CATSPERB: variants seen among roughly 807,000 people sequenced by gnomAD.
CATSPERB encodes catsper channel auxiliary subunit beta.
CATSPERB carries 93 observed loss-of-function variants against 128.3 expected under a neutral mutation model. That is an observed-to-expected ratio of 0.72 (90% confidence interval 0.61 to 0.86). The LOEUF (loss-of-function observed/expected upper bound fraction) is 0.86, where lower values mean the gene tolerates loss of function less well. Among genes scored for constraint, CATSPERB ranks in the 40% least tolerant of loss-of-function variants. The probability of loss-of-function intolerance (pLI) is 0.00; values close to 1 mark genes in which losing one functional copy is unlikely to be tolerated. For synonymous variants in CATSPERB, 381 were observed against 448.8 expected, an observed-to-expected ratio of 0.85 and a Z score of 1.91; for missense variants, 1,153 against 1,329.5, an observed-to-expected ratio of 0.87 and a Z score of 2.06.
chr14:91,657,635 A>G (rs972194619), intron 15 of CATSPERB, among the ~76,000 whole-genome samples: 8 of 152,196 alleles, frequency 5.3e-5, no homozygotes, highest in Admixed American at 2.6e-4. Context: ...CAAGGAATTA[A>G]TAACTAGAAT....
chr14:91,603,925 T>G (rs1893651866), intron 22 of CATSPERB, among the ~76,000 whole-genome samples: 1 of 151,706 alleles, frequency 6.6e-6, no homozygotes, highest in Non-Finnish European at 1.5e-5. Flanking sequence ...CCAAACCATA[T>G]CACCTTGTCT....
chr14:91,587,172 C>A (rs1893317329), intron 26 of CATSPERB, 30 bp downstream of exon 26: 2 of 1,534,204 alleles, frequency 1.3e-6, no homozygotes, highest in South Asian at 1.2e-5. Context: ...CCAGCCATCA[C>A]CCCTCTGATG....
At chr14:91,727,185 T>C (rs1896131551) in intron 2 of CATSPERB, among the ~76,000 whole-genome samples, 1 of 152,226 alleles carries the variant, frequency 6.6e-6, no homozygotes, top group Non-Finnish European at 1.5e-5. Context: ...AAGTATATTT[T>C]GTATGCTAAG....
At chr14:91,636,956 G>A (rs1356931876) in intron 16 of CATSPERB, among the ~76,000 whole-genome samples, 1 of 152,162 alleles carries the variant, frequency 6.6e-6, no homozygotes, top group African/African-American at 2.4e-5. Context: ...TGAAATCCCT[G>A]TCCTCACTTG....
chr14:91,583,230 A>G (rs750976932), intron 26 of CATSPERB, among the ~76,000 whole-genome samples: 2 of 152,200 alleles, frequency 1.3e-5, no homozygotes, highest in African/African-American at 2.4e-5. Flanking sequence ...CATCCTGGCT[A>G]ACATGGTGAA....
chr14:91,590,431 T>C (rs1893377196), intron 23 of CATSPERB, among the ~76,000 whole-genome samples: 2 of 152,036 alleles, frequency 1.3e-5, no homozygotes, highest in South Asian at 4.1e-4. Context: ...CTTGAGAGGC[T>C]GAGGCAGGAG....
intron 5 of CATSPERB, among the ~76,000 whole-genome samples, chr14:91,714,277 C>CAAAAAAAAAAAAAAAAAAAA (rs35951126): frequency 9.0e-6 from 1 of 111,294 alleles, no homozygotes; most frequent in Non-Finnish European, 1.8e-5. Flanking sequence ...TACAATAAGG[C>CAAAAAAAAAAAAAAAAAAAA]AAAAAAAAAA....
At chr14:91,680,742 G>C (rs1895266534) in intron 11 of CATSPERB, among the ~76,000 whole-genome samples, 1 of 151,944 alleles carries the variant, frequency 6.6e-6, no homozygotes, top group South Asian at 2.1e-4. Context: ...TACTGCCTCT[G>C]GCATATCTTT....
rs112304993 is a variant in CATSPERB at position 91,636,878 on chromosome 14, T to G, written c.1588-299A>C. Among the ~76,000 whole-genome samples, 29 of 152,306 alleles carry G rather than the reference T, an allele frequency of 1.9e-4. 1 individual carries two copies. Among genetic ancestry groups the G allele is most frequent in the African/African-American group, 5.8e-4 (24 of 41,564 alleles). On this transcript the variant is annotated intron_variant, in intron 16 of 26. Coordinates refer to ENST00000256343, the MANE Select transcript of CATSPERB (RefSeq NM_024764.4). The stretch of plus-strand genomic sequence containing the variant: ...AAACTTGACTCACATTGTGGGTGTG[T>G]GAGGAGCCTGGAGATGCAGATTTTA...
chr14:91,608,654 C>G (rs1271202744), intron 21 of CATSPERB, among the ~76,000 whole-genome samples: 2 of 151,942 alleles, frequency 1.3e-5, no homozygotes, highest in East Asian at 3.9e-4. Flanking sequence ...AGTTTAAACA[C>G]TTTATCAAAG....
At chr14:91,618,073 T>C (rs1893978573) in intron 19 of CATSPERB, among the ~76,000 whole-genome samples, 1 of 152,186 alleles carries the variant, frequency 6.6e-6, no homozygotes, top group African/African-American at 2.4e-5. Flanking sequence ...TTTTTATGGT[T>C]ATTTCATGAT....
At chr14:91,627,172 A>G (rs1052569597) in intron 17 of CATSPERB, among the ~76,000 whole-genome samples, 1 of 152,238 alleles carries the variant, frequency 6.6e-6, no homozygotes, top group Admixed American at 6.5e-5. Flanking sequence ...AATACATGCT[A>G]TGGTTTGCAT....
At chr14:91,678,793 G>C (rs1895233318) in intron 11 of CATSPERB, among the ~76,000 whole-genome samples, 1 of 152,118 alleles carries the variant, frequency 6.6e-6, no homozygotes, top group South Asian at 2.1e-4. Flanking sequence ...AAAGCAGAAT[G>C]ATCTTTGTTT....
At chr14:91,693,605 G>A in intron 7 of CATSPERB, 126 bp from the exon 8 acceptor site, 2 of 652,308 alleles carry the variant, frequency 3.1e-6, no homozygotes, top group East Asian at 2.7e-5. Context: ...CCAAAGCATT[G>A]GAAAGATGAA....
intron 5 of CATSPERB, among the ~76,000 whole-genome samples, chr14:91,716,158 C>G (rs1485616530): frequency 1.3e-5 from 2 of 152,174 alleles, no homozygotes; most frequent in African/African-American, 4.8e-5. Flanking sequence ...GAGAAAATAT[C>G]TGCAAATCAT....
intron 3 of CATSPERB, among the ~76,000 whole-genome samples, chr14:91,724,765 T>C (rs981460585): frequency 5.9e-5 from 9 of 152,114 alleles, no homozygotes; most frequent in African/African-American, 2.2e-4. Context: ...TTTCCTTCTC[T>C]AATAGGCTAC....
At chr14:91,719,378 C>A in intron 5 of CATSPERB, 40 bp downstream of exon 5, 2 of 1,373,774 alleles carry the variant, frequency 1.5e-6, no homozygotes, top group Non-Finnish European at 2.0e-6. Flanking sequence ...TTGATAAATC[C>A]AGACCCAGGG....
intron 22 of CATSPERB, among the ~76,000 whole-genome samples, chr14:91,599,491 G>A (rs1046042950): frequency 1.4e-5 from 2 of 147,538 alleles, no homozygotes; most frequent in African/African-American, 2.5e-5. Context: ...CCTGGGAAGC[G>A]GAGCTTGCAG....
At chr14:91,608,261 A>T in intron 22 of CATSPERB, 33 bp downstream of exon 22, 2 of 1,273,220 alleles carry the variant, frequency 1.6e-6, no homozygotes, top group Non-Finnish European at 2.3e-6. Context: ...GAATTCAAAT[A>T]AGTGCTAGAT....
Sources: gnomAD v4.1 joint callset for allele counts (sites outside exome capture counted in the v4.1 genomes callset) on GRCh38, gnomAD v4.1.1 for gene constraint, MANE v1.5 for transcripts, NCBI Gene and HGNC (gene_info 2026-07-23, HGNC 2026-07-21) for gene names.